TTC12: variants seen among roughly 807,000 people sequenced by gnomAD.
The protein encoded by TTC12 is tetratricopeptide repeat domain 12.
TTC12 carries 70 observed loss-of-function variants against 90.1 expected under a neutral mutation model. That is an observed-to-expected ratio of 0.78 (90% CI 0.64 to 0.95). TTC12 has a LOEUF of 0.95. Ranked by LOEUF, TTC12 falls within the 40% of genes least tolerant of loss-of-function variation. The pLI is 0.00. For missense variants in TTC12, 819 were observed against 846.1 expected, an observed-to-expected ratio of 0.97 and a Z score of 0.40; for synonymous variants, 296 against 311.5, an observed-to-expected ratio of 0.95 and a Z score of 0.53.
intron 7 of TTC12, among the ~76,000 whole-genome samples, chr11:113,332,217 A>G (rs1948106292): frequency 6.6e-6 from 1 of 152,240 alleles, no homozygotes; most frequent in Non-Finnish European, 1.5e-5. Context: ...CTCTGAAGGC[A>G]GGATTCCTTT....
intron 16 of TTC12, among the ~76,000 whole-genome samples, chr11:113,357,353 T>C (rs1555152838): frequency 6.6e-6 from 1 of 152,228 alleles, no homozygotes; most frequent in Non-Finnish European, 1.5e-5. Flanking sequence ...TTTTTGGCTT[T>C]CTTGGTGTGG....
At chr11:113,350,649 C>T (rs1423411504) in intron 14 of TTC12, among the ~76,000 whole-genome samples, 1 of 152,172 alleles carries the variant, frequency 6.6e-6, no homozygotes, top group Non-Finnish European at 1.5e-5. Context: ...TGTCTAGCTG[C>T]TGGGGATGAT....
chr11:113,367,926 C>T (rs754268307), downstream of TTC12, among the ~76,000 whole-genome samples: 88 of 152,318 alleles, frequency 5.8e-4, 1 homozygote, highest in Non-Finnish European at 9.1e-4. Flanking sequence ...AAAGGGAGAA[C>T]GGCTCGATGC....
intron 13 of TTC12, among the ~76,000 whole-genome samples, chr11:113,347,179 T>C (rs1032919426): frequency 2.6e-5 from 4 of 152,202 alleles, no homozygotes; most frequent in African/African-American, 9.7e-5. Flanking sequence ...AGGTTTAAAT[T>C]GGTGAAGGAT....
chr11:113,361,620 A>C (rs143960436), intron 18 of TTC12, among the ~76,000 whole-genome samples: 87 of 152,356 alleles, frequency 5.7e-4, no homozygotes, highest in African/African-American at 2.0e-3. Context: ...ATCTCTAAAG[A>C]ACTGAAAAAC....
chr11:113,346,236 G>A (rs1948948752), intron 13 of TTC12, among the ~76,000 whole-genome samples: 1 of 152,058 alleles, frequency 6.6e-6, no homozygotes, highest in South Asian at 2.1e-4. Flanking sequence ...TTCCCTGCAT[G>A]TCTCTGCTTG....
At chr11:113,329,769 G>A (rs2137951794) in intron 6 of TTC12, 151 bp from the exon 7 acceptor site, 2 of 720,540 alleles carry the variant, frequency 2.8e-6, no homozygotes, top group Non-Finnish European at 5.1e-6. Context: ...CCCAGTGCAA[G>A]TGTGCCATCT....
At chr11:113,366,532 T>C (rs1350122988), downstream of TTC12, 1 of 659,340 alleles carries the variant, frequency 1.5e-6, no homozygotes, top group African/African-American at 1.8e-5. Context: ...GAATGTTCTT[T>C]CCTGTTCTGT....
At chr11:113,349,196 C>T (rs551595227) in intron 13 of TTC12, among the ~76,000 whole-genome samples, 1 of 152,334 alleles carries the variant, frequency 6.6e-6, no homozygotes, top group African/African-American at 2.4e-5. Flanking sequence ...TTGAAGGCTT[C>T]TTCACTTCCA....
intron 18 of TTC12, among the ~76,000 whole-genome samples, chr11:113,360,780 AAAAATGTTCT>A (rs1228295056): frequency 1.3e-5 from 2 of 152,216 alleles, no homozygotes; most frequent in African/African-American, 4.8e-5. Flanking sequence ...CCACAGTTTA[AAAAATGTTCT>A]GAGTAGATCC....
In TTC12 at chr11:113,364,826, T is replaced by C; in HGVS notation, c.1817-9T>C. 6.2e-7 allele frequency: 1 copy of C among 1,613,304 alleles called. No homozygotes were observed. ...AGGAGCTGTTGCTTGTTCTCTTCTT[T>C]CCCTGCAGAGTTGAGCGTTATGATG... On this transcript the variant is annotated splice_polypyrimidine_tract_variant and intron_variant, in intron 20 of 21. Coordinates refer to ENST00000529221, the MANE Select transcript of TTC12 (RefSeq NM_017868.4).
rs117793180 is a variant in TTC12, at chr11:113,343,237, C to T, written c.986-1035C>T. On this transcript the variant is annotated intron_variant, in intron 12 of 21. Transcript: ENST00000529221. The stretch of plus-strand genomic sequence containing the variant: ...TTTATATGAGGGGTGAATAATAGCT[C>T]CTTTGGGGAATGGGCTTACCCGGAG... 3.7e-3 allele frequency among the ~76,000 whole-genome samples: 563 copies of T among 152,176 alleles called. 2 individuals are homozygous for T. Among genetic ancestry groups the T allele is most frequent in the Non-Finnish European group, 5.5e-3 (375 of 68,012 alleles).
chr11:113,326,212 C>G (rs1462815740), intron 6 of TTC12, among the ~76,000 whole-genome samples: 1 of 152,156 alleles, frequency 6.6e-6, no homozygotes, highest in Non-Finnish European at 1.5e-5. Context: ...CACAAATGAG[C>G]TCAATTTCCT....
intron 6 of TTC12, among the ~76,000 whole-genome samples, chr11:113,326,065 C>T (rs1460672685): frequency 2.6e-5 from 4 of 152,174 alleles, no homozygotes; most frequent in Admixed American, 2.0e-4. Flanking sequence ...AGCGGATGCC[C>T]ACCTGTTAGT....
In TTC12 at chr11:113,316,163, G is replaced by GT. The variant is rs540199174; in HGVS notation, c.-15-76dup. On this transcript the variant is annotated intron_variant, in intron 1 of 21. Transcript: ENST00000529221. Reference sequence around the variant, plus strand: ...CATAAAAATAATCACTTGGCTCTTAGTTTTAGAAGGCTAATAAGCCTGACC... The same window carrying GT: ...CATAAAAATAATCACTTGGCTCTTAGTTTTTAGAAGGCTAATAAGCCTGACC... 7.6e-4 allele frequency: 453 copies of GT among 595,818 alleles called. 1 individual carries two copies. Among genetic ancestry groups the GT allele is most frequent in the African/African-American group, 6.9e-3 (365 of 52,580 alleles). 36.9% of individuals were successfully genotyped at this position (595,818 alleles called of 1,614,324 possible).
intron 7 of TTC12, among the ~76,000 whole-genome samples, chr11:113,332,432 G>T (rs536215132): frequency 6.6e-4 from 100 of 152,206 alleles, no homozygotes; most frequent in Non-Finnish European, 1.3e-3. Context: ...GGTTTCCCCC[G>T]CCTGCTGTAA....
intron 8 of TTC12, among the ~76,000 whole-genome samples, chr11:113,336,001 GT>G (rs569228195): frequency 9.3e-4 from 141 of 152,236 alleles, no homozygotes; most frequent in Admixed American, 8.8e-3. Context: ...CTACCAAACT[GT>G]TTTTGAAAAT....
chr11:113,332,215 G>A (rs145109487), intron 7 of TTC12, among the ~76,000 whole-genome samples: 1 of 152,210 alleles, frequency 6.6e-6, no homozygotes, highest in African/African-American at 2.4e-5. Flanking sequence ...TCCTCTGAAG[G>A]CAGGATTCCT....
chr11:113,337,525 C>T (rs2137981124), intron 8 of TTC12, among the ~76,000 whole-genome samples: 1 of 152,194 alleles, frequency 6.6e-6, no homozygotes, highest in African/African-American at 2.4e-5. Flanking sequence ...AGCTAGAATG[C>T]AGCCAGCAAG....
Sources: gnomAD v4.1 joint callset for allele counts (sites outside exome capture counted in the v4.1 genomes callset) on GRCh38, gnomAD v4.1.1 for gene constraint, MANE v1.5 for transcripts, NCBI Gene and HGNC (gene_info 2026-07-23, HGNC 2026-07-21) for gene names.